SIL1: variants seen among roughly 807,000 people sequenced by gnomAD.
SIL1 encodes SIL1 nucleotide exchange factor, also known as nucleotide exchange factor SIL1.
Under a neutral mutation model 49.1 loss-of-function variants are expected in SIL1, and 40 were observed. That is an observed-to-expected ratio of 0.81 (90% CI 0.63 to 1.06). SIL1 has a LOEUF of 1.06. Ranked by LOEUF, SIL1 falls within the 50% of genes least tolerant of loss-of-function variation. SIL1 has a pLI of 0.00. For missense variants in SIL1, 500 were observed against 572.6 expected (o/e 0.87, Z 1.29); for synonymous variants, 253 against 250.8 (o/e 1.01, Z -0.08).
chr5:139,173,450 T>C (rs1751815176), intron 1 of SIL1, among the ~76,000 whole-genome samples: 1 of 151,962 alleles, frequency 6.6e-6, no homozygotes, highest in South Asian at 2.1e-4. Context: ...CTCAGGAGGC[T>C]GAGGCAAGAG....
intron 3 of SIL1, among the ~76,000 whole-genome samples, chr5:139,070,415 T>C (rs550093616): frequency 1.1e-4 from 17 of 152,304 alleles, no homozygotes; most frequent in Admixed American, 7.2e-4. Context: ...TTATAACATA[T>C]ATTTCCTATC....
Position 138,947,548 on chromosome 5 carries a change from C to A in SIL1, c.1030-75G>T, listed in dbSNP as rs542249496. ...ACACACAGGGAGCAGTTAGCTCACA[C>A]CTGGCTAGCTCTGCCCTTCAGACAG... is the stretch of plus-strand genomic sequence containing the variant. On this transcript the variant is annotated intron_variant, in intron 9 of 9. Coordinates refer to ENST00000394817, the MANE Select transcript of SIL1 (RefSeq NM_022464.5). The surrounding 1 kb of genome is among the most constrained non-coding windows in gnomAD (Gnocchi z 4.1). 14 of 1,339,916 alleles carry A rather than the reference C, an allele frequency of 1.0e-5. No individual in the cohort carries two copies. The highest frequency in any genetic ancestry group is 1.5e-5 in the Non-Finnish European group (14 of 932,090). 83.0% of individuals were successfully genotyped at this position (1,339,916 alleles called of 1,614,324 possible). A position where few individuals can be genotyped will look rare whatever the true frequency, so the allele number is the denominator to read the frequency against.
intron 3 of SIL1, among the ~76,000 whole-genome samples, chr5:139,058,964 A>ATGTGTGTGTGTGTGTGTGTGTGTGTG (rs113502024): frequency 1.2e-5 from 1 of 86,768 alleles, no homozygotes; most frequent in African/African-American, 5.7e-5. Context: ...GGAGCTAGAA[A>ATGTGTGTGTGTGTGTGTGTGTGTGTG]TGTGTATGTG....
intron 7 of SIL1, among the ~76,000 whole-genome samples, chr5:138,982,739 T>G (rs1767555873): frequency 1.3e-5 from 2 of 152,216 alleles, no homozygotes; most frequent in Non-Finnish European, 2.9e-5. Flanking sequence ...AGAACTTCCC[T>G]AGCATAGTTC....
chr5:139,100,831 G>C (rs1770570460), intron 3 of SIL1, among the ~76,000 whole-genome samples: 1 of 152,070 alleles, frequency 6.6e-6, no homozygotes. Context: ...CAGGAGCTCA[G>C]TTTTAGACAT....
intron 1 of SIL1, among the ~76,000 whole-genome samples, chr5:139,143,057 C>T (rs1005239109): frequency 6.6e-6 from 1 of 151,572 alleles, no homozygotes; most frequent in African/African-American, 2.4e-5. Context: ...CGTGAGCCAC[C>T]GCGCCCGGCC....
chr5:139,108,572 C>T (rs1196114523), intron 3 of SIL1, among the ~76,000 whole-genome samples: 1 of 152,156 alleles, frequency 6.6e-6, no homozygotes, highest in African/African-American at 2.4e-5. Flanking sequence ...AGCTGCACTC[C>T]AGGATTTGTT....
intron 1 of SIL1, among the ~76,000 whole-genome samples, chr5:139,172,243 C>T (rs978137832): frequency 6.6e-6 from 1 of 152,170 alleles, no homozygotes; most frequent in Non-Finnish European, 1.5e-5. Flanking sequence ...CGAACATAAA[C>T]ATCTGAAAAG....
chr5:138,949,327 G>A (rs561565114), intron 9 of SIL1, among the ~76,000 whole-genome samples: 1 of 152,294 alleles, frequency 6.6e-6, no homozygotes, highest in Non-Finnish European at 1.5e-5. Flanking sequence ...ACTGCCTGGG[G>A]CCTGGCAGAC....
At chr5:138,974,425 CAGG>C (rs1410818547) in intron 7 of SIL1, among the ~76,000 whole-genome samples, 2 of 152,202 alleles carry the variant, frequency 1.3e-5, no homozygotes, top group African/African-American at 2.4e-5. Context: ...CTGAGAACAA[CAGG>C]AGATGACCTC....
chr5:139,149,761 G>T (rs900921152), intron 1 of SIL1, among the ~76,000 whole-genome samples: 1 of 152,132 alleles, frequency 6.6e-6, no homozygotes, highest in Non-Finnish European at 1.5e-5. Flanking sequence ...GACAAGAGTG[G>T]TTTTTTAAAG....
rs1261479643 is a variant in SIL1, at chr5:139,146,321, C to T, written c.-10-18468G>A. On this transcript the variant is annotated intron_variant, in intron 1 of 9. Transcript: ENST00000394817. The stretch of plus-strand genomic sequence containing the variant: ...CCTATAATCCCAACACTTTAGGAGG[C>T]CAAGGTGAGACAATCACTTGAGCCC... 2.6e-5 allele frequency among the ~76,000 whole-genome samples: 4 copies of T among 152,104 alleles called. No individual in the cohort carries two copies. In the East Asian group the frequency reaches 7.7e-4, roughly 29 times the overall value.
intron 9 of SIL1, among the ~76,000 whole-genome samples, chr5:138,950,704 C>T (rs772765316): frequency 3.3e-5 from 5 of 152,196 alleles, no homozygotes; most frequent in African/African-American, 9.7e-5. Flanking sequence ...AAGTGGCAAG[C>T]AATTGGGTCC....
At chr5:139,056,789 G>A (rs1769452461) in intron 3 of SIL1, among the ~76,000 whole-genome samples, 2 of 151,972 alleles carry the variant, frequency 1.3e-5, no homozygotes, top group Admixed American at 1.3e-4. Flanking sequence ...GAGCCCCTCT[G>A]CCCGGCCACC....
chr5:139,006,593 C>T (rs1285206831), intron 7 of SIL1, among the ~76,000 whole-genome samples: 4 of 151,962 alleles, frequency 2.6e-5, no homozygotes, highest in East Asian at 3.9e-4. Flanking sequence ...TTAGGTCTAA[C>T]GTTTAAATCT....
intron 3 of SIL1, among the ~76,000 whole-genome samples, chr5:139,064,900 A>G (rs1769669910): frequency 6.6e-6 from 1 of 152,148 alleles, no homozygotes; most frequent in African/African-American, 2.4e-5. Context: ...GGAATAAGAG[A>G]TCATGCATAG....
intron 7 of SIL1, among the ~76,000 whole-genome samples, chr5:138,981,832 T>G (rs1767532449): frequency 6.9e-6 from 1 of 145,856 alleles, no homozygotes; most frequent in African/African-American, 2.5e-5. Flanking sequence ...TCTCTCTCTC[T>G]TTTTTTTTTC....
At chr5:138,956,937 C>G (rs1208836535) in intron 7 of SIL1, among the ~76,000 whole-genome samples, 1 of 152,070 alleles carries the variant, frequency 6.6e-6, no homozygotes, top group Non-Finnish European at 1.5e-5. Context: ...CTCAGGAGTT[C>G]CATCTGGACA....
intron 7 of SIL1, among the ~76,000 whole-genome samples, chr5:138,976,384 C>T (rs921011747): frequency 6.7e-6 from 1 of 150,034 alleles, no homozygotes; most frequent in Admixed American, 6.7e-5. Context: ...ACGATCTCAG[C>T]TTACTGCAAC....
Sources: gnomAD v4.1 joint callset for allele counts (sites outside exome capture counted in the v4.1 genomes callset) on GRCh38, gnomAD v4.1.1 for gene constraint, Gnocchi (gnomAD v3.1) non-coding constraint, MANE v1.5 for transcripts, NCBI Gene and HGNC (gene_info 2026-07-23, HGNC 2026-07-21) for gene names.